Variants in TTC21A observed in about 807,000 individuals in gnomAD.
The protein encoded by TTC21A is tetratricopeptide repeat protein 21A.
TTC21A carries 128 observed loss-of-function variants against 156.4 expected under a neutral mutation model. The observed-to-expected ratio is 0.82, with a 90% CI of 0.71 to 0.95. The LOEUF (loss-of-function observed/expected upper bound fraction) is 0.95. Among genes scored for constraint, TTC21A ranks in the 40% least tolerant of loss-of-function variants. TTC21A has a pLI of 0.00. For missense variants in TTC21A, 1,435 were observed against 1,602.3 expected (o/e 0.90, Z 1.78); for synonymous variants, 587 against 617.1 (o/e 0.95, Z 0.72).
At position 39,137,638 on chromosome 3, in the gene TTC21A, T is replaced by C. The variant is rs1362519300; in HGVS notation, c.3603T>C (p.Ala1201=). The change falls in exon 26 of 29, where the codon GCT becomes GCC. Residue 1201 remains alanine, a synonymous_variant. Coordinates refer to ENST00000683103, the MANE Select transcript of TTC21A (RefSeq NM_001366900.1). ...EDLEKSWLLL[A]DIYCQGSKFD... ...TGGAGAAGAGCTGGCTCCTGCTGGCTGACATTTACTGCCAGGGCAGCAAGT... is the reference window on the plus strand; with the variant it reads ...TGGAGAAGAGCTGGCTCCTGCTGGCCGACATTTACTGCCAGGGCAGCAAGT... The C allele has an allele frequency of 3.7e-6, 6 of 1,614,078 alleles. No individual in the cohort carries two copies.
chr3:39,114,544 G>T (rs375064430), intron 5 of TTC21A, 41 bp from the exon 6 acceptor site: 9 of 1,605,892 alleles, frequency 5.6e-6, no homozygotes, highest in Non-Finnish European at 7.7e-6. Flanking sequence ...CCCTTCATGG[G>T]CACTCCCTTC....
chr3:39,123,689 T>C (rs935507662), intron 9 of TTC21A, among the ~76,000 whole-genome samples: 3 of 149,824 alleles, frequency 2.0e-5, no homozygotes, highest in Admixed American at 2.0e-4. Flanking sequence ...AAAAAAAAAA[T>C]AGAAGCTGCA....
rs1462846729 is a variant in TTC21A, at chr3:39,130,685, T to C, written c.2320-16T>C. 16 of 1,613,828 alleles carry C rather than the reference T, an allele frequency of 9.9e-6. No homozygotes were observed. Among genetic ancestry groups the C allele is most frequent in the Non-Finnish European group, 1.3e-5 (15 of 1,179,890 alleles). On this transcript the variant is annotated splice_polypyrimidine_tract_variant and intron_variant, in intron 17 of 28. Transcript: ENST00000683103. The surrounding 1 kb of genome is among the most constrained non-coding windows in gnomAD (Gnocchi z 4.5). The stretch of plus-strand genomic sequence containing the variant: ...CAGAACCAGGCCAGAGGCTAATATT[T>C]ACTGTTTGCACTAAGGCAATTGAGT...
In TTC21A at chr3:39,138,281, CTA is replaced by C; in HGVS notation, c.3692_3693del (p.Tyr1231Ter). On this transcript the variant is annotated frameshift_variant, in exon 27 of 29. Transcript: ENST00000683103. LOFTEE classifies it high-confidence loss of function. The stretch of plus-strand genomic sequence containing the variant: ...TTTCCCTGCAGTCCTGCTACAAGGC[CTA>C]TGAGTACATGGGCTTCATCATGGAG... ...VQYNKSCYKA[Y>X]EYMGFIMEKE... 1.2e-6 allele frequency: 2 copies of C among 1,614,148 alleles called. No homozygotes were observed. The highest frequency in any genetic ancestry group is 1.7e-6 in the Non-Finnish European group (2 of 1,180,004).
At chr3:39,119,795 G>T (rs2037603061) in intron 7 of TTC21A, 127 bp from the exon 8 acceptor site, 3 of 680,216 alleles carry the variant, frequency 4.4e-6, no homozygotes, top group Non-Finnish European at 7.8e-6. Flanking sequence ...TTTCTGGGGG[G>T]TTGTGCCTGG....
rs118128062 is a variant in TTC21A, at chr3:39,134,849, T to A, written c.2863-244T>A. 1.5e-5 allele frequency: 9 copies of A among 583,354 alleles called. No homozygotes were observed. In the East Asian group the frequency reaches 2.5e-4, roughly 16 times the overall value. 36.1% of individuals were successfully genotyped at this position (583,354 alleles called of 1,614,324 possible). A position where few individuals can be genotyped will look rare whatever the true frequency, so the allele number is the denominator to read the frequency against. On this transcript the variant is annotated intron_variant, in intron 21 of 28. Coordinates refer to ENST00000683103, the MANE Select transcript of TTC21A (RefSeq NM_001366900.1). This position sits in a 1 kb window ranked among gnomAD's most constrained non-coding sequence, Gnocchi z 4.6. ...CTCTACCACTAGTCTTACCTTCCCATGTACATCCTCAACCCAACTCTTCTT... is the reference window on the plus strand; with the variant it reads ...CTCTACCACTAGTCTTACCTTCCCAAGTACATCCTCAACCCAACTCTTCTT...
chr3:39,135,008 A>C, intron 21 of TTC21A, 85 bp from the exon 22 acceptor site: 1 of 1,164,472 alleles, frequency 8.6e-7, no homozygotes, highest in Admixed American at 1.7e-5. Context: ...TCTTACCACC[A>C]TCACCCCCAT....
At chr3:39,117,255 CA>C (rs1304012108) in intron 6 of TTC21A, among the ~76,000 whole-genome samples, 3 of 152,148 alleles carry the variant, frequency 2.0e-5, no homozygotes, top group African/African-American at 7.2e-5. Flanking sequence ...ATGAGGTTTA[CA>C]GTGCTTTCAG....
At chr3:39,121,211 CTCAGGGA>C in intron 9 of TTC21A, 22 bp downstream of exon 9, 1 of 1,596,016 alleles carries the variant, frequency 6.3e-7, no homozygotes, top group South Asian at 1.1e-5. Context: ...TGTGGCAGGG[CTCAGGGA>C]TGGGTGTCGG....
chr3:39,131,166 G>A, intron 19 of TTC21A, 71 bp downstream of exon 19: 1 of 1,329,696 alleles, frequency 7.5e-7, no homozygotes, highest in Non-Finnish European at 1.1e-6. Context: ...AGGAAGGAGA[G>A]AGCTCCAGGT....
At chr3:39,116,685 G>A (rs2037318353) in intron 6 of TTC21A, among the ~76,000 whole-genome samples, 1 of 152,056 alleles carries the variant, frequency 6.6e-6, no homozygotes, top group African/African-American at 2.4e-5. Flanking sequence ...GCCCAAGCAG[G>A]TGTCAAACTC....
intron 5 of TTC21A, 51 bp downstream of exon 5, chr3:39,112,631 A>G (rs372268303): frequency 2.0e-5 from 32 of 1,603,578 alleles, no homozygotes; most frequent in African/African-American, 4.0e-5. Flanking sequence ...AGGCCACTGG[A>G]ACCAGAGACC....
At chr3:39,137,083 G>A (rs1239936638) in intron 24 of TTC21A, 23 bp downstream of exon 24, 3 of 1,610,256 alleles carry the variant, frequency 1.9e-6, no homozygotes, top group Middle Eastern at 1.7e-4. Context: ...GGAGGCAGGG[G>A]CGGAACCCTG....
chr3:39,129,254 G>A lies in TTC21A; in HGVS notation c.2079G>A (p.Met693Ile), dbSNP rs979633094. The A allele has an allele frequency of 4.3e-6, 7 of 1,614,078 alleles. No homozygotes were observed. In the Admixed American group the frequency reaches 6.7e-5, roughly 15 times the overall value. Residue 693 changes from methionine (M) to isoleucine (I), a missense_variant, in exon 15 of 29, where the codon ATG (methionine) becomes ATA (isoleucine). Physicochemically the swap from Met to Ile is conservative, Grantham distance 10. Transcript: ENST00000683103. ...QSCYMEAREK[M>I]ANIYLQTLRD... ...GCTATATGGAAGCCAGAGAGAAGAT[G>A]GCCAACATCTACCTGCAGACCCTCA...
Position 39,134,793 on chromosome 3 carries a change from C to G in TTC21A, c.2863-300C>G. On this transcript the variant is annotated intron_variant, in intron 21 of 28. Coordinates refer to ENST00000683103, the MANE Select transcript of TTC21A (RefSeq NM_001366900.1). The surrounding 1 kb of genome is among the most constrained non-coding windows in gnomAD (Gnocchi z 4.6). ...GTTCTCAGAATGGGTGGAGAGGCTT[C>G]CCCTGTAGGCTGTCAAAAAGCCCCA... The G allele has an allele frequency of 1.9e-6, 1 of 530,478 alleles. No homozygotes were observed. Among genetic ancestry groups the G allele is most frequent in the East Asian group, 3.2e-5 (1 of 31,136 alleles). The allele number at this position is 530,478 out of a possible 1,614,324, so 32.9% of individuals were successfully genotyped here.
chr3:39,134,117 G>A lies in TTC21A; in HGVS notation c.2752-101G>A. ...ATTCGAGACATATTTTGAAGGCAGA[G>A]CTGATAGAAGTGGGGTGTGAGGGAA... On this transcript the variant is annotated intron_variant, in intron 20 of 28. Transcript: ENST00000683103. The surrounding 1 kb of genome is among the most constrained non-coding windows in gnomAD (Gnocchi z 4.6). 1 of 765,068 alleles carries A rather than the reference G, an allele frequency of 1.3e-6. No individual in the cohort carries two copies. Among genetic ancestry groups the A allele is most frequent in the Admixed American group, 1.9e-5 (1 of 53,372 alleles). 47.4% of individuals were successfully genotyped at this position (765,068 alleles called of 1,614,324 possible). A position where few individuals can be genotyped will look rare whatever the true frequency, so the allele number is the denominator to read the frequency against.
rs202100940 is a variant in TTC21A at position 39,130,738 on chromosome 3, G to A, written c.2357G>A (p.Gly786Glu). Residue 786 changes from glycine to glutamate, a missense_variant, in exon 18 of 29, where the codon GGA (glycine) becomes GAA (glutamate). Physicochemically the swap from Gly to Glu is moderately conservative, Grantham distance 98. Coordinates refer to ENST00000683103, the MANE Select transcript of TTC21A (RefSeq NM_001366900.1). This position sits in a 1 kb window ranked among gnomAD's most constrained non-coding sequence, Gnocchi z 4.5. The stretch of plus-strand genomic sequence containing the variant: ...TATGAGGCTGCCCAGAAGATTAATG[G>A]ACAGGACTTTCTGTGCTGCGATCTG... ...EYYEAAQKIN[G>E]QDFLCCDLGK... is the part of the protein sequence containing the mutation. 7.6e-5 allele frequency: 123 copies of A among 1,614,108 alleles called. No homozygotes were observed. Among genetic ancestry groups the A allele is most frequent in the Non-Finnish European group, 5.9e-6 (7 of 1,180,044 alleles).
intron 8 of TTC21A, 87 bp downstream of exon 8, chr3:39,120,107 G>A: frequency 1.1e-6 from 1 of 952,360 alleles, no homozygotes; most frequent in Non-Finnish European, 1.7e-6. Context: ...AGCTCCTTGA[G>A]TGCCTTACCC....
chr3:39,135,282 C>G, intron 22 of TTC21A, 108 bp downstream of exon 22: 11 of 927,152 alleles, frequency 1.2e-5, no homozygotes, highest in African/African-American at 1.6e-5. Context: ...AGAGGAAGCC[C>G]CTTCCTCCCT....
Sources: gnomAD v4.1 joint callset for allele counts (sites outside exome capture counted in the v4.1 genomes callset) on GRCh38, gnomAD v4.1.1 for gene constraint, Gnocchi (gnomAD v3.1) non-coding constraint, MANE v1.5 for transcripts, NCBI Gene and HGNC (gene_info 2026-07-23, HGNC 2026-07-21) for gene names.